The following CAMK2A variants were observed in gnomAD, a reference collection of about 807,000 sequenced individuals.
The protein encoded by CAMK2A is calcium/calmodulin-dependent protein kinase type II subunit alpha.
A neutral mutation model predicts 79.2 loss-of-function variants in CAMK2A; 7 were observed. The observed-to-expected ratio is 0.09, with a 90% confidence interval of 0.05 to 0.17. CAMK2A has a LOEUF of 0.17. CAMK2A is among the 10% of genes least tolerant of loss of function. The pLI is 1.00. For synonymous variants in CAMK2A, 242 were observed against 251.7 expected, an observed-to-expected ratio of 0.96 and a Z score of 0.36; for missense variants, 214 against 646.4, an observed-to-expected ratio of 0.33 and a Z score of 7.25.
intron 1 of CAMK2A, among the ~76,000 whole-genome samples, chr5:150,278,935 G>C (rs1757092313): frequency 6.6e-6 from 1 of 152,188 alleles, no homozygotes; most frequent in Admixed American, 6.5e-5. Flanking sequence ...GGGTGTGTGG[G>C]GGGAGAGACA....
At chr5:150,236,368 G>A (rs764499476) in intron 15 of CAMK2A, among the ~76,000 whole-genome samples, 23 of 152,142 alleles carry the variant, frequency 1.5e-4, no homozygotes, top group Non-Finnish European at 2.8e-4. Flanking sequence ...ATTCAACCAC[G>A]AACTACAGTT....
intron 1 of CAMK2A, among the ~76,000 whole-genome samples, chr5:150,285,923 G>A (rs529082354): frequency 2.0e-5 from 3 of 152,124 alleles, no homozygotes; most frequent in African/African-American, 4.8e-5. Context: ...GAAAAGGCTC[G>A]TTTTCCACTT....
At chr5:150,265,173 G>C in intron 2 of CAMK2A, 158 bp from the exon 3 acceptor site, 1 of 645,588 alleles carries the variant, frequency 1.5e-6, no homozygotes, top group Non-Finnish European at 2.9e-6. Context: ...TCTCCAGGAA[G>C]ACCATGGGGT....
intron 1 of CAMK2A, among the ~76,000 whole-genome samples, chr5:150,276,084 T>C (rs938070443): frequency 2.2e-4 from 34 of 152,188 alleles, no homozygotes; most frequent in African/African-American, 7.5e-4. Flanking sequence ...GAGCTTTCAG[T>C]CAGGAACTGG....
chr5:150,250,948 G>A (rs1272063673), intron 9 of CAMK2A, 138 bp from the exon 10 acceptor site: 3 of 937,538 alleles, frequency 3.2e-6, no homozygotes, highest in Non-Finnish European at 4.8e-6. Context: ...AGGAGTTGGG[G>A]CTCCTCACTG....
chr5:150,238,567 A>C (rs1248668366), intron 15 of CAMK2A, 133 bp downstream of exon 15: 2 of 888,172 alleles, frequency 2.3e-6, no homozygotes, highest in African/African-American at 1.7e-5. Context: ...CCAGTTTATA[A>C]GGCACCAGAG....
chr5:150,235,414 G>A (rs896398795), intron 15 of CAMK2A, among the ~76,000 whole-genome samples: 2 of 152,198 alleles, frequency 1.3e-5, no homozygotes, highest in African/African-American at 4.8e-5. Context: ...TGTTCACCCA[G>A]ACAATCCGGG....
Position 150,221,175 on chromosome 5 carries a change from T to TG in CAMK2A, c.*1534_*1535insC. On this transcript the variant is annotated 3_prime_UTR_variant, in exon 19 of 19. Transcript: ENST00000671881. ...TTGGTTTTGTTGAGTGTTTTCTTCT[T>TG]TTTGTTTGTTTTCAACATACTTACT... 2.9e-6 allele frequency: 1 copy of TG among 349,622 alleles called. No individual in the cohort carries two copies. The highest frequency in any genetic ancestry group is 4.3e-5 in the East Asian group (1 of 23,414). The allele number at this position is 349,622 out of a possible 1,614,324, so 21.7% of individuals were successfully genotyped here.
intron 1 of CAMK2A, among the ~76,000 whole-genome samples, chr5:150,277,421 AG>A (rs1464192525): frequency 1.3e-5 from 2 of 152,176 alleles, no homozygotes; most frequent in African/African-American, 4.8e-5. Context: ...GGGGCCAGCG[AG>A]GGGGGCTCTG....
At chr5:150,252,410 A>G (rs1190041315) in intron 7 of CAMK2A, among the ~76,000 whole-genome samples, 1 of 152,122 alleles carries the variant, frequency 6.6e-6, no homozygotes, top group Non-Finnish European at 1.5e-5. Context: ...GCCACTAGTG[A>G]TCCATTGCTG....
rs1754328452 is a variant in CAMK2A, at chr5:150,221,924, G to A, written c.*786C>T. The stretch of plus-strand genomic sequence containing the variant: ...GAAATTTGGCTATAAAAAGGCATGC[G>A]GTCCAAGTAGAAGTGATACCTAAAC... On this transcript the variant is annotated 3_prime_UTR_variant, in exon 19 of 19. Transcript: ENST00000671881. The A allele has an allele frequency of 8.0e-6, 2 of 250,534 alleles. No individual in the cohort carries two copies. The highest frequency in any genetic ancestry group is 1.5e-4 in the East Asian group (2 of 13,366). 15.5% of individuals were successfully genotyped at this position (250,534 alleles called of 1,614,324 possible). A position where few individuals can be genotyped will look rare whatever the true frequency, so the allele number is the denominator to read the frequency against.
At chr5:150,254,465 C>T (rs889214120) in intron 6 of CAMK2A, among the ~76,000 whole-genome samples, 8 of 152,176 alleles carry the variant, frequency 5.3e-5, no homozygotes, top group African/African-American at 9.7e-5. Context: ...GAGCCAGAAT[C>T]GAGGCAAAGT....
At chr5:150,251,531 C>T (rs988568967) in intron 9 of CAMK2A, among the ~76,000 whole-genome samples, 4 of 152,218 alleles carry the variant, frequency 2.6e-5, no homozygotes, top group African/African-American at 9.7e-5. Flanking sequence ...GGAGGCGCCT[C>T]TCCCCTACTC....
At chr5:150,240,713 G>A (rs1755298492) in intron 13 of CAMK2A, among the ~76,000 whole-genome samples, 1 of 152,230 alleles carries the variant, frequency 6.6e-6, no homozygotes. Flanking sequence ...GCAGTGGCCT[G>A]CACAAGGCCT....
chr5:150,250,576 G>A (rs964020845), intron 10 of CAMK2A, 112 bp downstream of exon 10: 59 of 1,434,974 alleles, frequency 4.1e-5, no homozygotes, highest in Non-Finnish European at 4.1e-5. Flanking sequence ...GCAGTCTCTT[G>A]GATTAAGCCC....
intron 17 of CAMK2A, among the ~76,000 whole-genome samples, chr5:150,227,086 A>G (rs1411045381): frequency 6.6e-6 from 1 of 152,180 alleles, no homozygotes; most frequent in East Asian, 1.9e-4. Context: ...ATTTATTTTA[A>G]AAGAAAACTT....
chr5:150,228,160 A>C, intron 17 of CAMK2A, 32 bp downstream of exon 17: 4 of 1,560,010 alleles, frequency 2.6e-6, no homozygotes, highest in Non-Finnish European at 2.6e-6. Flanking sequence ...GAGAGCAGAC[A>C]ACAGGCACCA....
At chr5:150,262,966 A>C (rs939054790) in intron 3 of CAMK2A, among the ~76,000 whole-genome samples, 1 of 152,140 alleles carries the variant, frequency 6.6e-6, no homozygotes, top group Non-Finnish European at 1.5e-5. Context: ...AGGAATGACA[A>C]TCATATGGAG....
chr5:150,269,318 T>C (rs1756640103), intron 2 of CAMK2A, among the ~76,000 whole-genome samples: 1 of 152,124 alleles, frequency 6.6e-6, no homozygotes, highest in Admixed American at 6.5e-5. Flanking sequence ...TGGATGGACA[T>C]TCTGGGGTGA....
Sources: gnomAD v4.1 joint callset for allele counts (sites outside exome capture counted in the v4.1 genomes callset) on GRCh38, gnomAD v4.1.1 for gene constraint, MANE v1.5 for transcripts, NCBI Gene and HGNC (gene_info 2026-07-23, HGNC 2026-07-21) for gene names.